XKR6: variants seen among roughly 807,000 people sequenced by gnomAD.
XKR6 encodes XK related 6, also known as XK-related protein 6.
A neutral mutation model predicts 56.7 loss-of-function variants in XKR6; 22 were observed. The observed-to-expected ratio is 0.39, with a 90% confidence interval of 0.28 to 0.55. The LOEUF (loss-of-function observed/expected upper bound fraction) is 0.55, where lower values mean the gene tolerates loss of function less well. Among genes scored for constraint, XKR6 ranks in the 20% least tolerant of loss-of-function variants. XKR6 has a pLI of 0.66. For missense variants in XKR6, 852 were observed against 889.0 expected, an observed-to-expected ratio of 0.96 and a Z score of 0.53; for synonymous variants, 524 against 387.8, an observed-to-expected ratio of 1.35 and a Z score of -4.13.
chr8:11,055,467 A>G (rs1419475026), intron 1 of XKR6, among the ~76,000 whole-genome samples: 2 of 152,182 alleles, frequency 1.3e-5, no homozygotes, highest in Non-Finnish European at 2.9e-5. Flanking sequence ...GAGGCAGGTC[A>G]AGGGGTGTCT....
intron 1 of XKR6, among the ~76,000 whole-genome samples, chr8:11,159,561 T>A (rs1801692374): frequency 6.6e-6 from 1 of 152,230 alleles, no homozygotes; most frequent in African/African-American, 2.4e-5. Context: ...ATCAGCAGCA[T>A]CAGCTTCAAT....
chr8:11,092,337 C>T (rs1428237968), intron 1 of XKR6, among the ~76,000 whole-genome samples: 2 of 152,206 alleles, frequency 1.3e-5, no homozygotes, highest in Non-Finnish European at 2.9e-5. Flanking sequence ...AATACATATC[C>T]TTACAACCTT....
At chr8:11,015,671 CAA>C (rs2129147091) in intron 1 of XKR6, among the ~76,000 whole-genome samples, 1 of 152,234 alleles carries the variant, frequency 6.6e-6, no homozygotes, top group East Asian at 1.9e-4. Context: ...CCAGGCCCTC[CAA>C]AGACTGGTTG....
At chr8:11,191,011 C>A (rs932140120) in intron 1 of XKR6, among the ~76,000 whole-genome samples, 1 of 152,196 alleles carries the variant, frequency 6.6e-6, no homozygotes, top group African/African-American at 2.4e-5. Context: ...GGGCTCACCT[C>A]AAGTTTACTG....
At position 11,137,388 on chromosome 8, in the gene XKR6, T is replaced by A. The variant is rs1339618668; in HGVS notation, c.764+63188A>T. 3 of 339,506 alleles carry A rather than the reference T, an allele frequency of 8.8e-6. No homozygotes were observed. The East Asian group carries it at 2.4e-4, about 27-fold the overall frequency. 21.0% of individuals were successfully genotyped at this position (339,506 alleles called of 1,614,324 possible). A position where few individuals can be genotyped will look rare whatever the true frequency, so the allele number is the denominator to read the frequency against. ...AGTCCAGGATAATAGAAATCTTTCTTCATTCACATATTCTAGCTAGAATAG... is the reference window on the plus strand; with the variant it reads ...AGTCCAGGATAATAGAAATCTTTCTACATTCACATATTCTAGCTAGAATAG... On this transcript the variant is annotated intron_variant, in intron 1 of 2. Coordinates refer to ENST00000416569, the MANE Select transcript of XKR6 (RefSeq NM_173683.4).
At chr8:11,042,831 C>T (rs1799319007) in intron 1 of XKR6, among the ~76,000 whole-genome samples, 1 of 152,226 alleles carries the variant, frequency 6.6e-6, no homozygotes, top group Admixed American at 6.5e-5. Flanking sequence ...TTCCATGGCC[C>T]CTGCCTTGGC....
intron 1 of XKR6, among the ~76,000 whole-genome samples, chr8:11,129,343 G>C (rs1226680206): frequency 1.3e-5 from 2 of 152,168 alleles, no homozygotes; most frequent in Non-Finnish European, 2.9e-5. Context: ...CACTGCAGTT[G>C]TATCACTGCA....
intron 1 of XKR6, among the ~76,000 whole-genome samples, chr8:11,098,882 G>A (rs1357731863): frequency 6.6e-6 from 1 of 151,966 alleles, no homozygotes; most frequent in Non-Finnish European, 1.5e-5. Flanking sequence ...TTTGCATCTT[G>A]GAAACTTCTG....
At chr8:10,918,877 T>C (rs1251293256) in intron 2 of XKR6, among the ~76,000 whole-genome samples, 2 of 152,092 alleles carry the variant, frequency 1.3e-5, no homozygotes, top group Non-Finnish European at 2.9e-5. Flanking sequence ...AATCTGTCCA[T>C]TGCATCCTTC....
intron 1 of XKR6, among the ~76,000 whole-genome samples, chr8:11,195,710 G>A (rs569597410): frequency 1.4e-3 from 210 of 148,922 alleles, no homozygotes; most frequent in Non-Finnish European, 2.3e-3. Context: ...GTGCAGTGGC[G>A]CGAACTTGGC....
intron 1 of XKR6, among the ~76,000 whole-genome samples, chr8:11,021,862 C>T (rs922782204): frequency 6.6e-6 from 1 of 152,062 alleles, no homozygotes; most frequent in Non-Finnish European, 1.5e-5. Context: ...CCTTGGCTTC[C>T]TGAACTTAGC....
intron 1 of XKR6, among the ~76,000 whole-genome samples, chr8:11,143,275 T>C (rs1048283741): frequency 1.3e-5 from 2 of 152,340 alleles, no homozygotes; most frequent in Admixed American, 6.5e-5. Context: ...AGATCAGCAG[T>C]AGTACTGTGC....
At chr8:10,927,265 T>C (rs977422114) in intron 1 of XKR6, among the ~76,000 whole-genome samples, 57 of 152,090 alleles carry the variant, frequency 3.7e-4, no homozygotes, top group African/African-American at 1.4e-3. Flanking sequence ...CAGGGCTGCG[T>C]GCCCAGATCT....
rs376792234 is a variant in XKR6 at position 11,033,241 on chromosome 8, G to C, written c.765-108411C>G. Among the ~76,000 whole-genome samples the C allele has an allele frequency of 2.0e-5, 3 of 151,168 alleles. 1 individual carries two copies. The highest frequency in any genetic ancestry group is 7.4e-5 in the African/African-American group (3 of 40,654). On this transcript the variant is annotated intron_variant, in intron 1 of 2. Transcript: ENST00000416569. ...GATGGTTACGATGGTGATGGTGGTGGTGACAGTGGAGATGCTAATGATGAT... is the reference window on the plus strand; with the variant it reads ...GATGGTTACGATGGTGATGGTGGTGCTGACAGTGGAGATGCTAATGATGAT...
intron 1 of XKR6, among the ~76,000 whole-genome samples, chr8:11,066,347 G>A (rs1243448028): frequency 6.6e-6 from 1 of 152,150 alleles, no homozygotes; most frequent in Non-Finnish European, 1.5e-5. Context: ...GCATCTTCAG[G>A]AATACACTGA....
At chr8:11,069,065 C>G (rs1353047881) in intron 1 of XKR6, among the ~76,000 whole-genome samples, 1 of 152,048 alleles carries the variant, frequency 6.6e-6, no homozygotes, top group Non-Finnish European at 1.5e-5. Flanking sequence ...TTTTCCCTTC[C>G]CCCAGTCTTG....
At chr8:11,092,805 G>T (rs1162690577) in intron 1 of XKR6, among the ~76,000 whole-genome samples, 5 of 152,282 alleles carry the variant, frequency 3.3e-5, no homozygotes, top group Middle Eastern at 3.4e-3. Context: ...CAATAAATAG[G>T]TTTCTCGCCA....
intron 1 of XKR6, among the ~76,000 whole-genome samples, chr8:10,960,536 A>C (rs1468523988): frequency 6.6e-6 from 1 of 152,232 alleles, no homozygotes; most frequent in Non-Finnish European, 1.5e-5. Flanking sequence ...AAACTCATCG[A>C]ATTTCCACTC....
intron 1 of XKR6, among the ~76,000 whole-genome samples, chr8:11,174,744 T>A (rs942731358): frequency 8.6e-5 from 13 of 151,970 alleles, no homozygotes; most frequent in African/African-American, 3.1e-4. Flanking sequence ...ACTTTCCAAG[T>A]CTAGCTCTCA....
Sources: gnomAD v4.1 joint callset for allele counts (sites outside exome capture counted in the v4.1 genomes callset) on GRCh38, gnomAD v4.1.1 for gene constraint, MANE v1.5 for transcripts, NCBI Gene and HGNC (gene_info 2026-07-23, HGNC 2026-07-21) for gene names.